GNA13: variants seen among roughly 807,000 people sequenced by gnomAD.
The protein encoded by GNA13 is G protein subunit alpha 13.
Under a neutral mutation model 33.5 loss-of-function variants are expected in GNA13, and 4 were observed. The observed-to-expected ratio is 0.12, with a 90% CI of 0.06 to 0.27. The LOEUF (loss-of-function observed/expected upper bound fraction) is 0.27. Ranked by LOEUF, GNA13 falls within the 10% of genes least tolerant of loss-of-function variation. The pLI, the probability that GNA13 is intolerant of heterozygous loss-of-function variation, is 1.00. For synonymous variants in GNA13, 176 were observed against 183.8 expected (o/e 0.96, Z 0.34); for missense variants, 319 against 487.2 (o/e 0.65, Z 3.25).
Position 65,014,512 on chromosome 17 carries a change from T to C in GNA13, c.879A>G (p.Thr293=). The change falls in exon 4 of 4, where the codon ACA becomes ACG. Residue 293 remains threonine, a synonymous_variant. Coordinates refer to ENST00000439174, the MANE Select transcript of GNA13 (RefSeq NM_006572.6). The surrounding 1 kb of genome is among the most constrained non-coding windows in gnomAD (Gnocchi z 5.3). ...TTTGCACCTTCTCCTCAAGCAAGTC[T>C]GTCTTGTTTAAGAACAGAATTATGG... ...NVSIILFLNK[T]DLLEEKVQIV... is the part of the protein sequence containing the mutation. The C allele has an allele frequency of 6.2e-7, 1 of 1,613,962 alleles. No individual in the cohort carries two copies. The highest frequency in any genetic ancestry group is 8.5e-7 in the Non-Finnish European group (1 of 1,179,792).
At chr17:65,037,680 C>T (rs933772883) in intron 2 of GNA13, among the ~76,000 whole-genome samples, 4 of 146,504 alleles carry the variant, frequency 2.7e-5, no homozygotes. Flanking sequence ...ACCTGCAATC[C>T]CAACACATTG....
intron 1 of GNA13, among the ~76,000 whole-genome samples, chr17:65,054,331 A>G (rs921275551): frequency 6.6e-6 from 1 of 152,248 alleles, no homozygotes; most frequent in Non-Finnish European, 1.5e-5. Flanking sequence ...GCAAAATAAT[A>G]CAAAGTCGGA....
In GNA13 at chr17:65,056,598, C is replaced by A. The variant is rs1361232675; in HGVS notation, c.-5G>T. 2 of 1,356,298 alleles carry A rather than the reference C, an allele frequency of 1.5e-6. No homozygotes were observed. The highest frequency in any genetic ancestry group is 2.0e-6 in the Non-Finnish European group (2 of 989,262). The allele number at this position is 1,356,298 out of a possible 1,614,324, so 84.0% of individuals were successfully genotyped here. On this transcript the variant is annotated 5_prime_UTR_variant, in exon 1 of 4. Coordinates refer to ENST00000439174, the MANE Select transcript of GNA13 (RefSeq NM_006572.6). The stretch of plus-strand genomic sequence containing the variant: ...CGACGGCAGGAAGTCCGCCATCTTG[C>A]CGCCGCCGCCGCCGCCTCGGCGGGC...
rs3830470 is a variant in GNA13 at position 65,056,596 on chromosome 17, TGCCGCC to T, written c.-9_-4del. Reference sequence around the variant, plus strand: ...CGCGACGGCAGGAAGTCCGCCATCTTGCCGCCGCCGCCGCCGCCTCGGCGGGCCCCT... The same window carrying T: ...CGCGACGGCAGGAAGTCCGCCATCTTGCCGCCGCCGCCTCGGCGGGCCCCT... On this transcript the variant is annotated 5_prime_UTR_variant, in exon 1 of 4. Transcript: ENST00000439174. 99 of 1,592,466 alleles carry T rather than the reference TGCCGCC, an allele frequency of 6.2e-5. No homozygotes were observed. The highest frequency in any genetic ancestry group is 1.2e-4 in the Admixed American group (7 of 59,008).
intron 2 of GNA13, among the ~76,000 whole-genome samples, chr17:65,038,419 C>A (rs1907339278): frequency 7.1e-6 from 1 of 139,962 alleles, no homozygotes; most frequent in Non-Finnish European, 1.6e-5. Flanking sequence ...AAAAAAAAAC[C>A]ATTTATTTTT....
At chr17:65,019,857 T>C (rs1032364574) in intron 2 of GNA13, among the ~76,000 whole-genome samples, 1 of 152,220 alleles carries the variant, frequency 6.6e-6, no homozygotes, top group African/African-American at 2.4e-5. Context: ...AAAGGATAAA[T>C]GCCTGAAGGG....
intron 3 of GNA13, 94 bp downstream of exon 3, chr17:65,018,159 C>T: frequency 3.5e-6 from 1 of 287,236 alleles, no homozygotes. Flanking sequence ...AAGCAAATAG[C>T]TTAATACATA....
At chr17:65,046,967 T>C (rs189078421) in intron 2 of GNA13, among the ~76,000 whole-genome samples, 35 of 152,236 alleles carry the variant, frequency 2.3e-4, no homozygotes, top group Admixed American at 2.3e-3. Context: ...AATGCGAACA[T>C]GAAAATTTCA....
intron 2 of GNA13, among the ~76,000 whole-genome samples, chr17:65,021,415 G>T (rs1345913030): frequency 6.6e-6 from 1 of 152,200 alleles, no homozygotes; most frequent in Admixed American, 6.5e-5. Context: ...AAGACAAAAT[G>T]GGTCTGGAGT....
Position 65,015,228 on chromosome 17 carries a change from T to TA in GNA13, c.562-400dup, listed in dbSNP as rs1427074294. 6.6e-5 allele frequency among the ~76,000 whole-genome samples: 10 copies of TA among 152,262 alleles called. No homozygotes were observed. The South Asian group carries it at 2.1e-3, about 32-fold the overall frequency. ...CTACTCAAAATTTAAGCTGAAGTCTTATCAATTGTTCTTACCCACCCTCAC... is the reference window on the plus strand; with the variant it reads ...CTACTCAAAATTTAAGCTGAAGTCTTAATCAATTGTTCTTACCCACCCTCAC... On this transcript the variant is annotated intron_variant, in intron 3 of 3. Transcript: ENST00000439174.
At chr17:65,038,916 G>A (rs1279857095) in intron 2 of GNA13, among the ~76,000 whole-genome samples, 2 of 152,056 alleles carry the variant, frequency 1.3e-5, no homozygotes, top group African/African-American at 4.8e-5. Context: ...AAAACATAAC[G>A]GCTATATGGG....
At chr17:65,036,097 T>C (rs769634087) in intron 2 of GNA13, among the ~76,000 whole-genome samples, 1 of 152,266 alleles carries the variant, frequency 6.6e-6, no homozygotes. Flanking sequence ...CCAGATGACT[T>C]TATTCCCAGT....
chr17:65,019,719 C>A (rs1906515179), intron 2 of GNA13, among the ~76,000 whole-genome samples: 1 of 152,064 alleles, frequency 6.6e-6, no homozygotes, highest in African/African-American at 2.4e-5. Flanking sequence ...CTAATAGGTA[C>A]AAAAGATAGT....
chr17:65,009,779 C>T lies in GNA13; in HGVS notation c.*4478G>A, dbSNP rs183685578. 1.2e-3 allele frequency among the ~76,000 whole-genome samples: 188 copies of T among 152,324 alleles called. No homozygotes were observed. The highest frequency in any genetic ancestry group is 2.3e-3 in the Non-Finnish European group (156 of 68,034). ...AAAAGGTAAATGGCATAGTTTGTTG[C>T]ACTGTTGCTTATACTGTGCAAGAAT... On this transcript the variant is annotated 3_prime_UTR_variant, in exon 4 of 4. Transcript: ENST00000439174.
chr17:65,028,466 A>C lies in GNA13; in HGVS notation c.511-10163T>G, dbSNP rs79143275. On this transcript the variant is annotated intron_variant, in intron 2 of 3. Coordinates refer to ENST00000439174, the MANE Select transcript of GNA13 (RefSeq NM_006572.6). ...ATAAGGAAGAAAGTGGAAAAAAAAA[A>C]CCCACTTCACAGGTGATTCTTAAGG... Among the ~76,000 whole-genome samples the C allele has an allele frequency of 1.3e-4, 19 of 151,870 alleles. No homozygotes were observed. In the South Asian group the frequency reaches 3.5e-3, roughly 28 times the overall value.
intron 2 of GNA13, among the ~76,000 whole-genome samples, chr17:65,021,225 C>G (rs1906571407): frequency 6.6e-6 from 1 of 152,180 alleles, no homozygotes; most frequent in South Asian, 2.1e-4. Context: ...GACTTTATTA[C>G]TGACAAAGTC....
chr17:65,024,502 TATAA>T (rs1290392060), intron 2 of GNA13, among the ~76,000 whole-genome samples: 1 of 152,264 alleles, frequency 6.6e-6, no homozygotes, highest in Non-Finnish European at 1.5e-5. Flanking sequence ...AAACTTTTTA[TATAA>T]ATACCTACAT....
At chr17:65,047,427 T>A in intron 2 of GNA13, among the ~76,000 whole-genome samples, 1 of 152,230 alleles carries the variant, frequency 6.6e-6, no homozygotes, top group Admixed American at 6.5e-5. Context: ...ACCTCTACTA[T>A]CTCTAATGTT....
chr17:65,020,197 A>G (rs1238830481), intron 2 of GNA13, among the ~76,000 whole-genome samples: 1 of 152,198 alleles, frequency 6.6e-6, no homozygotes, highest in Non-Finnish European at 1.5e-5. Context: ...GTTACCCTTC[A>G]ATATTTTTTT....
Sources: allele counts gnomAD v4.1 joint callset (sites outside exome capture counted in the v4.1 genomes callset), GRCh38; gene constraint gnomAD v4.1.1; non-coding constraint Gnocchi (gnomAD v3.1); transcripts MANE v1.5; gene names NCBI Gene and HGNC (gene_info 2026-07-23, HGNC 2026-07-21).